SYMPK: variants seen among roughly 807,000 people sequenced by gnomAD.
SYMPK encodes the protein symplekin.
In SYMPK, 49 loss-of-function variants were observed where a neutral mutation model predicts 136.4. That is an observed-to-expected ratio of 0.36 (90% CI 0.29 to 0.46). SYMPK has a LOEUF of 0.46. Ranked by LOEUF, SYMPK falls within the 20% of genes least tolerant of loss-of-function variation. The pLI, the probability that SYMPK is intolerant of heterozygous loss-of-function variation, is 1.00. For missense variants in SYMPK, 1,365 were observed against 1,690.0 expected, an observed-to-expected ratio of 0.81 and a Z score of 3.37; for synonymous variants, 766 against 713.0, an observed-to-expected ratio of 1.07 and a Z score of -1.19.
intron 11 of SYMPK, among the ~76,000 whole-genome samples, chr19:45,834,274 C>T (rs1250815414): frequency 6.6e-6 from 1 of 151,850 alleles, no homozygotes; most frequent in Non-Finnish European, 1.5e-5. Context: ...GGTGACACTG[C>T]AAGACTGTGT....
In SYMPK at chr19:45,827,637, A is replaced by C; in HGVS notation, c.2068-14T>G. ...ATAGGTGCGACTCTGCAGCAAAAGG[A>C]AAGGGACCCGAGCTCAGCCCACCTG... is the stretch of plus-strand genomic sequence containing the variant. On this transcript the variant is annotated splice_polypyrimidine_tract_variant and intron_variant, in intron 15 of 26. Transcript: ENST00000245934. 2 of 1,610,492 alleles carry C rather than the reference A, an allele frequency of 1.2e-6. No individual in the cohort carries two copies. The highest frequency in any genetic ancestry group is 2.2e-5 in the South Asian group (2 of 91,010).
intron 13 of SYMPK, 109 bp from the exon 14 acceptor site, chr19:45,829,314 A>G (rs1971117449): frequency 2.0e-6 from 2 of 989,620 alleles, no homozygotes; most frequent in Non-Finnish European, 1.5e-6. Context: ...CAGAGCAGAC[A>G]AGGAGTGAAG....
At position 45,815,643 on chromosome 19, in the gene SYMPK, C is replaced by T. The variant is rs1460950394; in HGVS notation, c.3742G>A (p.Ala1248Thr). The T allele has an allele frequency of 1.9e-6, 3 of 1,610,104 alleles. No individual in the cohort carries two copies. Among genetic ancestry groups the T allele is most frequent in the African/African-American group, 2.7e-5 (2 of 74,662 alleles). ...TTCATAGCATCTTCTCCAACAGGTG[C>T]GAGGGTCTGGGGGCTCCGCTCCTCC... ...LKEERSPQTL[A>T]PVGEDAMKTP... Residue 1248 changes from alanine to threonine, a missense_variant, in exon 27 of 27, where the codon GCA becomes ACA. By Grantham distance (58) the Ala-to-Thr change is moderately conservative. This residue lies in a region of SYMPK where 341 missense variants were observed against 270.5 expected (regional missense o/e 1.26). Coordinates refer to ENST00000245934, the MANE Select transcript of SYMPK (RefSeq NM_004819.3).
intron 9 of SYMPK, 63 bp from the exon 10 acceptor site, chr19:45,838,678 C>A: frequency 6.5e-7 from 1 of 1,534,658 alleles, no homozygotes; most frequent in Middle Eastern, 1.8e-4. Context: ...TCCATCCTTC[C>A]GGGGTGCCCG....
intron 14 of SYMPK, chr19:45,828,727 G>A: frequency 1.8e-6 from 1 of 566,488 alleles, no homozygotes; most frequent in South Asian, 2.1e-5. Flanking sequence ...GCCACGCAGA[G>A]CAAGCTCAGA....
At chr19:45,816,342 A>C (rs778496346) in intron 25 of SYMPK, 140 bp downstream of exon 25, 2 of 1,254,708 alleles carry the variant, frequency 1.6e-6, no homozygotes, top group Non-Finnish European at 2.1e-6. Flanking sequence ...CAGCAGGAGC[A>C]TCCCCTGGGA....
intron 24 of SYMPK, 72 bp from the exon 25 acceptor site, chr19:45,816,649 CG>C: frequency 2.5e-6 from 4 of 1,593,938 alleles, no homozygotes; most frequent in East Asian, 2.2e-5. Flanking sequence ...ACCTCAGGTC[CG>C]GGGGCCCTAA....
At chr19:45,818,290 C>T (rs1430147965) in intron 22 of SYMPK, 144 bp from the exon 23 acceptor site, 1 of 802,070 alleles carries the variant, frequency 1.2e-6, no homozygotes, top group Non-Finnish European at 1.9e-6. Context: ...AGAGGAGACT[C>T]CCCCGACCCA....
At chr19:45,848,921 G>C (rs1330736776) in intron 5 of SYMPK, 45 bp from the exon 6 acceptor site, 1 of 1,612,066 alleles carries the variant, frequency 6.2e-7, no homozygotes, top group Non-Finnish European at 8.5e-7. Context: ...TGTGGTCTTA[G>C]AGCAAGTAGG....
chr19:45,863,113 TCCG>T lies in SYMPK; in HGVS notation c.-71_-69del, dbSNP rs3840932. The T allele has an allele frequency of 0.092, 36,661 of 399,754 alleles. 1,791 individuals are homozygous for T. Among genetic ancestry groups the T allele is most frequent in the East Asian group, 0.11 (3,140 of 27,906 alleles). The allele number at this position is 399,754 out of a possible 1,614,324, so 24.8% of individuals were successfully genotyped here. The stretch of plus-strand genomic sequence containing the variant: ...CCCTCAGCAGTGCCTCTTCCTACAC[TCCG>T]CCGCCGCCGCCGCCGCCATCTTCCG... On this transcript the variant is annotated 5_prime_UTR_variant, in exon 1 of 27. Coordinates refer to ENST00000245934, the MANE Select transcript of SYMPK (RefSeq NM_004819.3).
At chr19:45,826,784 A>G (rs1971052234) in intron 16 of SYMPK, among the ~76,000 whole-genome samples, 1 of 152,190 alleles carries the variant, frequency 6.6e-6, no homozygotes, top group African/African-American at 2.4e-5. Context: ...TGACCCCAGC[A>G]GCAGCACATG....
chr19:45,842,567 C>T, intron 8 of SYMPK, 78 bp from the exon 9 acceptor site: 1 of 1,566,564 alleles, frequency 6.4e-7, no homozygotes, highest in Non-Finnish European at 8.7e-7. Flanking sequence ...CAACCCCAAA[C>T]TTGGGCAGTG....
In SYMPK at chr19:45,823,393, C is replaced by T. The variant is rs760798216; in HGVS notation, c.2679G>A (p.Pro893=). The T allele has an allele frequency of 6.6e-5, 107 of 1,613,852 alleles. 1 individual carries two copies. The highest frequency in any genetic ancestry group is 4.0e-4 in the Admixed American group (24 of 60,000). Residue 893 remains proline, a synonymous_variant, in exon 20 of 27, where the codon CCG becomes CCA. Coordinates refer to ENST00000245934, the MANE Select transcript of SYMPK (RefSeq NM_004819.3). ...ATACCTTCTCCAGCCCATTGAGCAC[C>T]GGGATGAGGAAGCGGACGTCTGGCA... ...KRLPDVRFLI[P]VLNGLEKKEV...
At position 45,837,851 on chromosome 19, in the gene SYMPK, G is replaced by A. The variant is rs548912544; in HGVS notation, c.1242+610C>T. ...GTTCACTCCCAGGTTTCTGGTTTGG[G>A]AACTGGGAGGGGCCTGGAGAGGAGC... is the stretch of plus-strand genomic sequence containing the variant. On this transcript the variant is annotated intron_variant, in intron 10 of 26. Transcript: ENST00000245934. Among the ~76,000 whole-genome samples, 41 of 152,156 alleles carry A rather than the reference G, an allele frequency of 2.7e-4. 1 individual carries two copies. Among genetic ancestry groups the A allele is most frequent in the South Asian group, 4.1e-4 (2 of 4,822 alleles).
At chr19:45,848,217 G>T (rs1971614023) in intron 6 of SYMPK, among the ~76,000 whole-genome samples, 1 of 152,218 alleles carries the variant, frequency 6.6e-6, no homozygotes. Flanking sequence ...CCCTCATGGG[G>T]ATGCAGAGAG....
At chr19:45,854,068 C>T (rs543623989) in intron 3 of SYMPK, 107 bp downstream of exon 3, 2 of 1,087,546 alleles carry the variant, frequency 1.8e-6, no homozygotes, top group South Asian at 2.6e-5. Flanking sequence ...GGCCGGCACA[C>T]ACTGAGTGTG....
rs1420048676 is a variant in SYMPK at position 45,838,551 on chromosome 19, C to T, written c.1152G>A (p.Lys384=). The T allele has an allele frequency of 3.1e-6, 5 of 1,614,042 alleles. No homozygotes were observed. The highest frequency in any genetic ancestry group is 3.4e-6 in the Non-Finnish European group (4 of 1,180,040). The change falls in exon 10 of 27, where the codon AAG becomes AAA. Residue 384 remains lysine (K), a synonymous_variant. Transcript: ENST00000245934. ...ACTGGCCGGAGATCTGCGCTGAGGC[C>T]TTCGAGGTCCCCGACGGGCCTGGCT... The part of the protein sequence containing the change: ...DLEPGPSGTS[K]ASAQISGQSD...
rs1434900770 is a variant in SYMPK, at chr19:45,846,953, C to T, written c.676+799G>A. ...GGATTACAGGTGCCCGCCACCATGCCCGGCTAATTTTTGTATTTTCAGTAG... is the reference window on the plus strand; with the variant it reads ...GGATTACAGGTGCCCGCCACCATGCTCGGCTAATTTTTGTATTTTCAGTAG... On this transcript the variant is annotated intron_variant, in intron 7 of 26. Coordinates refer to ENST00000245934, the MANE Select transcript of SYMPK (RefSeq NM_004819.3). Among the ~76,000 whole-genome samples the T allele has an allele frequency of 2.0e-5, 3 of 151,908 alleles. No homozygotes were observed. The East Asian group carries it at 5.9e-4, about 30-fold the overall frequency.
At position 45,835,112 on chromosome 19, in the gene SYMPK, C is replaced by T; in HGVS notation, c.1359G>A (p.Met453Ile). Residue 453 changes from methionine to isoleucine, a missense_variant, in exon 11 of 27, where the codon ATG becomes ATA. By Grantham distance (10) the Met-to-Ile change is conservative. Coordinates refer to ENST00000245934, the MANE Select transcript of SYMPK (RefSeq NM_004819.3). ...EAQIKHLARL[M>I]ATQMTAAGLG... is the part of the protein sequence containing the mutation. ...GTCCGGCAGCTGTCATCTGTGTGGC[C>T]ATGAGCCGAGCCAGGTGCTTGATCT... 2 of 1,611,976 alleles carry T rather than the reference C, an allele frequency of 1.2e-6. No homozygotes were observed. The highest frequency in any genetic ancestry group is 3.3e-4 in the Middle Eastern group (2 of 6,042).
Sources: gnomAD v4.1 joint callset for allele counts (sites outside exome capture counted in the v4.1 genomes callset) on GRCh38, gnomAD v4.1.1 for gene constraint, gnomAD v4.1.1 regional missense constraint, MANE v1.5 for transcripts, NCBI Gene and HGNC (gene_info 2026-07-23, HGNC 2026-07-21) for gene names.